Variants in TGM3 observed in about 807,000 individuals in gnomAD.
TGM3 encodes the protein protein-glutamine gamma-glutamyltransferase E.
TGM3 carries 52 observed loss-of-function variants against 73.8 expected under a neutral mutation model. The observed-to-expected ratio is 0.70, with a 90% CI of 0.56 to 0.89. The LOEUF is 0.89. TGM3 is among the 40% of genes least tolerant of loss of function. TGM3 has a pLI of 0.00. For synonymous variants in TGM3, 372 were observed against 354.9 expected, an observed-to-expected ratio of 1.05 and a Z score of -0.54; for missense variants, 928 against 909.9, an observed-to-expected ratio of 1.02 and a Z score of -0.26.
chr20:2,328,842 T>C lies in TGM3; in HGVS notation c.1333+477T>C, dbSNP rs892259163. ...AGCTTGCACTGTGCACATTTGGAGG[T>C]CTCCCAAGAAGCCAGATGAGGTGTG... On this transcript the variant is annotated intron_variant, in intron 9 of 12. Coordinates refer to ENST00000381458, the MANE Select transcript of TGM3 (RefSeq NM_003245.4). The surrounding 1 kb of genome is among the most constrained non-coding windows in gnomAD (Gnocchi z 5.2). Among the ~76,000 whole-genome samples, 14 of 151,864 alleles carry C rather than the reference T, an allele frequency of 9.2e-5. No homozygotes were observed. Among genetic ancestry groups the C allele is most frequent in the African/African-American group, 3.4e-4 (14 of 41,304 alleles).
intron 2 of TGM3, 77 bp downstream of exon 2, chr20:2,309,907 C>A: frequency 6.4e-7 from 1 of 1,570,914 alleles, no homozygotes; most frequent in Admixed American, 1.7e-5. Context: ...CTGACGGGGA[C>A]CACACTGGGG....
At position 2,310,361 on chromosome 20, in the gene TGM3, G is replaced by C; in HGVS notation, c.365G>C (p.Gly122Ala). Residue 122 changes from glycine (G) to alanine (A), a missense_variant, in exon 3 of 13, where the codon GGC becomes GCC. Physicochemically the swap from Gly to Ala is moderately conservative, Grantham distance 60 (BLOSUM62 0). Coordinates refer to ENST00000381458, the MANE Select transcript of TGM3 (RefSeq NM_003245.4). Reference protein sequence around the residue: ...TMALQIFSQGGISSVKLGTFI... With the variant: ...TMALQIFSQGAISSVKLGTFI... ...GCCCTCCAGATCTTCTCCCAGGGCG[G>C]CATCTCCTCTGTGAAACTTGGGACG... 7.4e-6 allele frequency: 12 copies of C among 1,614,190 alleles called. No individual in the cohort carries two copies. The highest frequency in any genetic ancestry group is 1.0e-5 in the Non-Finnish European group (12 of 1,180,022).
intron 2 of TGM3, 58 bp downstream of exon 2, chr20:2,309,888 A>G: frequency 6.2e-7 from 1 of 1,601,388 alleles, no homozygotes; most frequent in Non-Finnish European, 8.5e-7. Context: ...GCCCTTGTTC[A>G]TTCAAGGACT....
chr20:2,306,663 G>T (rs2084178198), intron 1 of TGM3, among the ~76,000 whole-genome samples: 1 of 151,952 alleles, frequency 6.6e-6, no homozygotes, highest in African/African-American at 2.4e-5. Context: ...TTTTAGTAGA[G>T]ACGGGGTTTT....
intron 7 of TGM3, among the ~76,000 whole-genome samples, chr20:2,320,794 C>A (rs62194562): frequency 3.3e-5 from 5 of 152,170 alleles, no homozygotes; most frequent in African/African-American, 9.7e-5. Flanking sequence ...ATTCAGCCAC[C>A]GAGCAGCAGC....
chr20:2,323,253 A>T (rs1292957096), intron 7 of TGM3, among the ~76,000 whole-genome samples: 1 of 152,186 alleles, frequency 6.6e-6, no homozygotes, highest in East Asian at 1.9e-4. Context: ...CCATTGCGTC[A>T]TTCTTATGCC....
chr20:2,300,130 A>G (rs555032216), intron 1 of TGM3, among the ~76,000 whole-genome samples: 182 of 151,372 alleles, frequency 1.2e-3, no homozygotes, highest in African/African-American at 4.3e-3. Context: ...GAAAGAAAGG[A>G]AGAAAGAAAG....
At chr20:2,307,679 C>T (rs1382258104) in intron 1 of TGM3, among the ~76,000 whole-genome samples, 2 of 152,126 alleles carry the variant, frequency 1.3e-5, no homozygotes. Flanking sequence ...GTTATAACTA[C>T]ACTTCATACA....
rs1039910976 is a variant in TGM3 at position 2,334,994 on chromosome 20, C to T, written c.1643-122C>T. ...GGACCTGGCCCAAGGAGGGCTCAGTCAAGCCCGGGGCTGCAGATCCTCCCA... is the reference window on the plus strand; with the variant it reads ...GGACCTGGCCCAAGGAGGGCTCAGTTAAGCCCGGGGCTGCAGATCCTCCCA... On this transcript the variant is annotated intron_variant, in intron 10 of 12. Transcript: ENST00000381458. This position sits in a 1 kb window ranked among gnomAD's most constrained non-coding sequence, Gnocchi z 4.0. 2.8e-5 allele frequency: 36 copies of T among 1,299,486 alleles called. No homozygotes were observed. The highest frequency in any genetic ancestry group is 3.9e-5 in the Non-Finnish European group (36 of 929,086). The allele number at this position is 1,299,486 out of a possible 1,614,324, so 80.5% of individuals were successfully genotyped here.
chr20:2,316,862 C>T (rs1040118676), intron 5 of TGM3, among the ~76,000 whole-genome samples: 4 of 152,136 alleles, frequency 2.6e-5, no homozygotes, highest in African/African-American at 7.2e-5. Context: ...GGGAAAGCAC[C>T]TCTAAACTCG....
Position 2,310,404 on chromosome 20 carries a change from C to T in TGM3, c.408C>T (p.Asn136=), listed in dbSNP as rs761800279. 2 of 1,614,190 alleles carry T rather than the reference C, an allele frequency of 1.2e-6. No individual in the cohort carries two copies. Residue 136 remains asparagine, a synonymous_variant, in exon 3 of 13, where the codon AAC becomes AAT. Coordinates refer to ENST00000381458, the MANE Select transcript of TGM3 (RefSeq NM_003245.4). ...TTGGGACGTTCATACTGCTTTTTAA[C>T]CCCTGGCTGAATGGTAGGTGTCTAG... ...VKLGTFILLF[N]PWLNVDSVFM... is the part of the protein sequence containing the mutation.
At position 2,310,344 on chromosome 20, in the gene TGM3, G is replaced by C; in HGVS notation, c.348G>C (p.Gln116His). ...TAGGACGGTACACAATGGCCCTCCA[G>C]ATCTTCTCCCAGGGCGGCATCTCCT... is the stretch of plus-strand genomic sequence containing the variant. ...APIGRYTMAL[Q>H]IFSQGGISSV... The change falls in exon 3 of 13, where the codon CAG becomes CAC. Residue 116 changes from glutamine to histidine, a missense_variant. By Grantham distance (24) the Gln-to-His change is conservative. Transcript: ENST00000381458. 3 of 1,614,230 alleles carry C rather than the reference G, an allele frequency of 1.9e-6. No individual in the cohort carries two copies. The highest frequency in any genetic ancestry group is 1.7e-5 in the Admixed American group (1 of 60,030).
chr20:2,324,048 A>AT (rs1185668093), intron 7 of TGM3, among the ~76,000 whole-genome samples: 1 of 151,746 alleles, frequency 6.6e-6, no homozygotes, highest in African/African-American at 2.4e-5. Flanking sequence ...TGCTTTATTG[A>AT]TTTTTTTCAA....
chr20:2,325,919 G>A lies in TGM3; in HGVS notation c.1054G>A (p.Val352Met). 6.3e-7 allele frequency: 1 copy of A among 1,595,760 alleles called. No individual in the cohort carries two copies. ...GGGCCCCTCGTACGGTGGATGGCAGGTGTTGGATGCTACCCCGCAGGAAAG... is the reference window on the plus strand; with the variant it reads ...GGGCCCCTCGTACGGTGGATGGCAGATGTTGGATGCTACCCCGCAGGAAAG... The part of the protein sequence containing the change: ...DLGPSYGGWQ[V>M]LDATPQERSQ... Residue 352 changes from valine (V) to methionine (M), a missense_variant, in exon 8 of 13, where the codon GTG becomes ATG. Val to Met is a conservative substitution (Grantham distance 21). Coordinates refer to ENST00000381458, the MANE Select transcript of TGM3 (RefSeq NM_003245.4).
Position 2,310,236 on chromosome 20 carries a change from T to G in TGM3, c.240T>G (p.Ser80Arg). The change falls in exon 3 of 13, where the codon AGT becomes AGG. Residue 80 changes from serine to arginine, a missense_variant. By Grantham distance (110) the Ser-to-Arg change is moderately radical (BLOSUM62 -1). Transcript: ENST00000381458. ...TKAVFPLSNG[S>R]SGGWSAVLQA... ...CTGTGTTTCCACTCTCCAATGGCAG[T>G]AGTGGTGGCTGGAGTGCGGTGCTTC... is the stretch of plus-strand genomic sequence containing the variant. 6.2e-7 allele frequency: 1 copy of G among 1,614,218 alleles called. No individual in the cohort carries two copies. The highest frequency in any genetic ancestry group is 1.1e-5 in the South Asian group (1 of 91,082).
At chr20:2,301,699 T>C (rs2084149002) in intron 1 of TGM3, among the ~76,000 whole-genome samples, 1 of 151,952 alleles carries the variant, frequency 6.6e-6, no homozygotes, top group South Asian at 2.1e-4. Flanking sequence ...AGCTAGATAC[T>C]TTTTAGCATT....
chr20:2,312,982 A>G lies in TGM3; in HGVS notation c.625A>G (p.Ser209Gly). 6.2e-7 allele frequency: 1 copy of G among 1,614,234 alleles called. No individual in the cohort carries two copies. Among genetic ancestry groups the G allele is most frequent in the Non-Finnish European group, 8.5e-7 (1 of 1,180,038 alleles). Residue 209 changes from serine (S) to glycine (G), a missense_variant, in exon 5 of 13, where the codon AGC becomes GGC. By Grantham distance (56) the Ser-to-Gly change is moderately conservative. Coordinates refer to ENST00000381458, the MANE Select transcript of TGM3 (RefSeq NM_003245.4). ...CCGTGACGCTGCTACTGATGTGGCC[A>G]GCAGAAATGACCCCAAATACGTTGG... The part of the protein sequence containing the change: ...FRRDAATDVA[S>G]RNDPKYVGRV...
At chr20:2,335,060 G>C in intron 10 of TGM3, 56 bp from the exon 11 acceptor site, 1 of 1,601,550 alleles carries the variant, frequency 6.2e-7, no homozygotes. Context: ...TTCTGAGGAA[G>C]GTTCAGAAGC....
intron 1 of TGM3, among the ~76,000 whole-genome samples, chr20:2,300,526 T>G (rs865849504): frequency 3.9e-5 from 6 of 152,174 alleles, no homozygotes; most frequent in Admixed American, 3.9e-4. Flanking sequence ...TGTGTCTAAG[T>G]CATTGCTGCC....
Sources: allele counts gnomAD v4.1 joint callset (sites outside exome capture counted in the v4.1 genomes callset), GRCh38; gene constraint gnomAD v4.1.1; non-coding constraint Gnocchi (gnomAD v3.1); transcripts MANE v1.5; gene names NCBI Gene and HGNC (gene_info 2026-07-23, HGNC 2026-07-21).